HP1BP3: variants seen among roughly 807,000 people sequenced by gnomAD.
HP1BP3 encodes heterochromatin protein 1-binding protein 3.
HP1BP3 carries 12 observed loss-of-function variants against 62.5 expected under a neutral mutation model. That is an observed-to-expected ratio of 0.19 (90% confidence interval 0.12 to 0.31). HP1BP3 has a LOEUF of 0.31. Ranked by LOEUF, HP1BP3 falls within the 10% of genes least tolerant of loss-of-function variation. The pLI, the probability that HP1BP3 is intolerant of heterozygous loss-of-function variation, is 1.00. For synonymous variants in HP1BP3, 260 were observed against 237.8 expected (o/e 1.09, Z -0.86); for missense variants, 502 against 651.8 (o/e 0.77, Z 2.50).
intron 4 of HP1BP3, chr1:20,775,727 T>G (rs377094660): frequency 2.7e-6 from 1 of 376,074 alleles, no homozygotes; most frequent in African/African-American, 2.1e-5. Flanking sequence ...TACTTACCGT[T>G]GTGTTATAAC....
At chr1:20,754,377 G>A (rs778566911) in intron 9 of HP1BP3, among the ~76,000 whole-genome samples, 3 of 152,066 alleles carry the variant, frequency 2.0e-5, no homozygotes, top group African/African-American at 7.2e-5. Context: ...TCTGTGTCAT[G>A]GATTGGAAAA....
At chr1:20,770,865 T>C in intron 6 of HP1BP3, 65 bp downstream of exon 6, 1 of 1,238,426 alleles carries the variant, frequency 8.1e-7, no homozygotes, top group Non-Finnish European at 1.1e-6. Context: ...GCCTAAATGT[T>C]ACTAACTGTA....
In HP1BP3 at chr1:20,787,235, C is replaced by G. The variant is rs1459680583; in HGVS notation, c.-141G>C. The G allele has an allele frequency of 6.6e-6, 1 of 152,238 alleles. No homozygotes were observed. Among genetic ancestry groups the G allele is most frequent in the African/African-American group, 2.4e-5 (1 of 41,322 alleles). The allele number at this position is 152,238 out of a possible 1,614,324, so 9.4% of individuals were successfully genotyped here. ...GTCCTGGCGCCCGCGTCCCGCACGG[C>G]CTCTCGGCGCCGCTCCCGCCGCCGC... On this transcript the variant is annotated 5_prime_UTR_variant, in exon 1 of 13. Transcript: ENST00000438032.
In HP1BP3 at chr1:20,744,884, CTTT is replaced by C; in HGVS notation, c.1572_1574del (p.Lys526del). On this transcript the variant is annotated inframe_deletion, in exon 13 of 13. Coordinates refer to ENST00000438032, the MANE Select transcript of HP1BP3 (RefSeq NM_001372052.1). ...CCTTTCTTGCACTGGTTGCAGGCTT[CTTT>C]GAGGAGCCACCACTAGGTTTCTTGA... 1 of 1,614,174 alleles carries C rather than the reference CTTT, an allele frequency of 6.2e-7. No homozygotes were observed. The highest frequency in any genetic ancestry group is 8.5e-7 in the Non-Finnish European group (1 of 1,180,036).
At chr1:20,775,863 T>C (rs2057280733) in intron 4 of HP1BP3, 2 of 1,207,046 alleles carry the variant, frequency 1.7e-6, no homozygotes, top group African/African-American at 3.1e-5. Context: ...CACTTTATGA[T>C]GTTGGCACGA....
intron 9 of HP1BP3, 103 bp downstream of exon 9, chr1:20,757,063 A>C (rs2056157806): frequency 3.1e-6 from 2 of 652,490 alleles, no homozygotes; most frequent in South Asian, 2.1e-5. Flanking sequence ...CCACATAAAC[A>C]AAAGTTCTTT....
intron 10 of HP1BP3, among the ~76,000 whole-genome samples, chr1:20,747,927 G>C (rs2055443578): frequency 6.6e-6 from 1 of 152,116 alleles, no homozygotes; most frequent in Non-Finnish European, 1.5e-5. Flanking sequence ...ATGTTGCCCA[G>C]GCTGGTCTCA....
intron 4 of HP1BP3, 51 bp from the exon 5 acceptor site, chr1:20,773,661 T>A: frequency 7.8e-7 from 1 of 1,289,160 alleles, no homozygotes; most frequent in Non-Finnish European, 1.0e-6. Flanking sequence ...TAGAAAGACG[T>A]ATAAAGTCAG....
rs1557624904 is a variant in HP1BP3, at chr1:20,740,425, G to C, written c.*4372C>G. Among the ~76,000 whole-genome samples the C allele has an allele frequency of 1.3e-5, 2 of 152,162 alleles. No homozygotes were observed. Among genetic ancestry groups the C allele is most frequent in the Non-Finnish European group, 1.5e-5 (1 of 68,032 alleles). On this transcript the variant is annotated 3_prime_UTR_variant, in exon 13 of 13. Coordinates refer to ENST00000438032, the MANE Select transcript of HP1BP3 (RefSeq NM_001372052.1). ...GGTTGACAAGACAGAATTAAGAACA[G>C]TTAAAACAGTTAAAAAGCTGATAAA...
intron 8 of HP1BP3, among the ~76,000 whole-genome samples, chr1:20,758,792 G>A (rs1570594325): frequency 1.3e-5 from 2 of 151,840 alleles, no homozygotes; most frequent in East Asian, 3.9e-4. Flanking sequence ...GGGACTATAG[G>A]CACATGCCAC....
chr1:20,764,707 AAC>A (rs1198227607), intron 8 of HP1BP3, among the ~76,000 whole-genome samples: 11 of 150,410 alleles, frequency 7.3e-5, no homozygotes, highest in Non-Finnish European at 1.2e-4. Context: ...AAAAAAAAAA[AAC>A]CACACAAAAA....
Position 20,742,430 on chromosome 1 carries a change from C to T in HP1BP3, c.*2367G>A, listed in dbSNP as rs2055108545. Among the ~76,000 whole-genome samples the T allele has an allele frequency of 1.3e-5, 2 of 152,116 alleles. No individual in the cohort carries two copies. The highest frequency in any genetic ancestry group is 2.9e-5 in the Non-Finnish European group (2 of 68,016). On this transcript the variant is annotated 3_prime_UTR_variant, in exon 13 of 13. Coordinates refer to ENST00000438032, the MANE Select transcript of HP1BP3 (RefSeq NM_001372052.1). ...TGATTGTACTCTATGATCTTGGAAGCAGTCTTTAATAAAATACAAAATGAT... is the reference window on the plus strand; with the variant it reads ...TGATTGTACTCTATGATCTTGGAAGTAGTCTTTAATAAAATACAAAATGAT...
intron 1 of HP1BP3, chr1:20,786,785 G>C (rs1199664960): frequency 3.3e-5 from 5 of 152,358 alleles, no homozygotes; most frequent in African/African-American, 1.2e-4. Flanking sequence ...GAGGGCGCGG[G>C]CGGACGCCGG....
At position 20,749,731 on chromosome 1, in the gene HP1BP3, T is replaced by C; in HGVS notation, c.1133A>G (p.Asn378Ser). 3.1e-6 allele frequency: 5 copies of C among 1,609,028 alleles called. No homozygotes were observed. The highest frequency in any genetic ancestry group is 4.2e-6 in the Non-Finnish European group (5 of 1,178,312). The change falls in exon 10 of 13, where the codon AAC (asparagine) becomes AGC (serine). Residue 378 changes from asparagine to serine, a missense_variant. Physicochemically the swap from Asn to Ser is conservative, Grantham distance 46. Around this residue, in one of 5 missense-constraint regions of HP1BP3, gnomAD observed 194 missense variants for 207.0 expected, o/e 0.94. Coordinates refer to ENST00000438032, the MANE Select transcript of HP1BP3 (RefSeq NM_001372052.1). The stretch of plus-strand genomic sequence containing the variant: ...ACACAACCGAGTCTTACTTTGATAG[T>C]TAGAATTGGTTCCTGGGTGATTCTC... ...VLENHPGTNS[N>S]YQMHLLKKTL...
chr1:20,747,694 T>C (rs372300160), intron 10 of HP1BP3, 39 bp from the exon 11 acceptor site: 2 of 1,274,032 alleles, frequency 1.6e-6, no homozygotes, highest in Middle Eastern at 1.8e-4. Flanking sequence ...TATCTAGTTA[T>C]TCAGATTAGA....
chr1:20,745,789 G>C, intron 11 of HP1BP3, 133 bp from the exon 12 acceptor site: 1 of 814,060 alleles, frequency 1.2e-6, no homozygotes, highest in Non-Finnish European at 1.9e-6. Flanking sequence ...TAGGTTACAC[G>C]TATCAGGTTA....
At chr1:20,769,218 G>A (rs2056937179) in intron 6 of HP1BP3, among the ~76,000 whole-genome samples, 2 of 152,144 alleles carry the variant, frequency 1.3e-5, no homozygotes, top group South Asian at 2.1e-4. Flanking sequence ...TCAGCCTCAT[G>A]AGTTGGGACT....
rs753559307 is a variant in HP1BP3 at position 20,748,632 on chromosome 1, T to C, written c.1142-977A>G. ...AAAATTAGCCAGGGGTGGTGGCAGG[T>C]GCCTGTAGTCCCAGCTACTCAGGGG... is the stretch of plus-strand genomic sequence containing the variant. On this transcript the variant is annotated intron_variant, in intron 10 of 12. Transcript: ENST00000438032. 4.9e-4 allele frequency among the ~76,000 whole-genome samples: 74 copies of C among 151,976 alleles called. 1 individual carries two copies. The highest frequency in any genetic ancestry group is 1.0e-4 in the Non-Finnish European group (7 of 68,000).
chr1:20,777,481 G>A (rs145065685), intron 3 of HP1BP3, among the ~76,000 whole-genome samples: 36 of 151,004 alleles, frequency 2.4e-4, no homozygotes, highest in Admixed American at 1.1e-3. Context: ...TTTTTGAGAC[G>A]GAGTCTCGCT....
Sources: allele counts gnomAD v4.1 joint callset (sites outside exome capture counted in the v4.1 genomes callset), GRCh38; gene constraint gnomAD v4.1.1; regional missense constraint gnomAD v4.1.1; transcripts MANE v1.5; gene names NCBI Gene and HGNC (gene_info 2026-07-23, HGNC 2026-07-21).